Variants in CALHM2 observed in about 807,000 individuals in gnomAD.
CALHM2 encodes calcium homeostasis modulator protein 2.
A neutral mutation model predicts 20.4 loss-of-function variants in CALHM2; 18 were observed. The ratio of observed to expected loss-of-function variants is 0.88; its 90% CI spans 0.61 to 1.31. CALHM2 has a LOEUF of 1.31. Among genes scored for constraint, CALHM2 ranks in the 50% most tolerant of loss-of-function variants. CALHM2 has a pLI of 0.00. For missense variants in CALHM2, 411 were observed against 435.7 expected, an observed-to-expected ratio of 0.94 and a Z score of 0.50; for synonymous variants, 193 against 192.1, an observed-to-expected ratio of 1.00 and a Z score of -0.04.
Position 103,451,642 on chromosome 10 carries a change from C to CAGG in CALHM2, c.-361-360_-361-358dup, listed in dbSNP as rs3837347. ...GGAGGAGGAGGACCAGGAGGAACAA[C>CAGG]AGGAGGAGGAGGAGGAGGAGGAGGA... On this transcript the variant is annotated intron_variant, in intron 1 of 3. Coordinates refer to ENST00000260743, the MANE Select transcript of CALHM2 (RefSeq NM_015916.5). 8.2e-3 allele frequency: 1,120 copies of CAGG among 136,020 alleles called. 19 individuals carry two copies. The highest frequency in any genetic ancestry group is 0.013 in the Admixed American group (181 of 13,900). 8.4% of individuals were successfully genotyped at this position (136,020 alleles called of 1,614,324 possible). A position where few individuals can be genotyped will look rare whatever the true frequency, so the allele number is the denominator to read the frequency against.
At chr10:103,448,418 A>C (rs565923785) in intron 3 of CALHM2, among the ~76,000 whole-genome samples, 3 of 151,838 alleles carry the variant, frequency 2.0e-5, no homozygotes, top group African/African-American at 7.2e-5. Context: ...AAGTGCTGAG[A>C]TTACAGGTGT....
chr10:103,447,206 C>T lies in CALHM2; in HGVS notation c.918G>A (p.Leu306=). The change falls in exon 4 of 4, where the codon CTG becomes CTA. Residue 306 remains leucine (L), a synonymous_variant. Coordinates refer to ENST00000260743, the MANE Select transcript of CALHM2 (RefSeq NM_015916.5). ...YSRLHKWAQG[L]AGNGAAPDNV... ...TGTCAGGGGCCGCGCCGTTGCCTGC[C>T]AGACCCTGGGCCCACTTGTGCAGGC... 1 of 1,614,116 alleles carries T rather than the reference C, an allele frequency of 6.2e-7. No individual in the cohort carries two copies. Among genetic ancestry groups the T allele is most frequent in the South Asian group, 1.1e-5 (1 of 91,084 alleles).
Position 103,449,571 on chromosome 10 carries a change from C to G in CALHM2, c.371G>C (p.Arg124Pro). Residue 124 changes from arginine (R) to proline (P), a missense_variant, in exon 3 of 4, where the codon CGT becomes CCT. Physicochemically the swap from Arg to Pro is moderately radical, Grantham distance 103. Transcript: ENST00000260743. ...PVTWSVISLL[R>P]GEAYVCALSE... is the part of the protein sequence containing the mutation. ...GAGAGCACAGACATAAGCCTCACCACGCAGCAGGGAGATGACAGACCAGGT... is the reference window on the plus strand; with the variant it reads ...GAGAGCACAGACATAAGCCTCACCAGGCAGCAGGGAGATGACAGACCAGGT... 2 of 1,613,864 alleles carry G rather than the reference C, an allele frequency of 1.2e-6. No homozygotes were observed. Among genetic ancestry groups the G allele is most frequent in the Non-Finnish European group, 8.5e-7 (1 of 1,180,040 alleles).
rs780192601 is a variant in CALHM2, at chr10:103,447,445, C to G, written c.679G>C (p.Glu227Gln). ...GCCGTGCGCTGGAACAGCTGGTCCT[C>G]ATTGGCGCGGTACTGCGCCCAGTAG... ...EAYWAQYRAN[E>Q]DQLFQRTAEV... is the part of the protein sequence containing the mutation. The change falls in exon 4 of 4, where the codon GAG becomes CAG. Residue 227 changes from glutamate (E) to glutamine (Q), a missense_variant. Transcript: ENST00000260743. The G allele has an allele frequency of 9.3e-6, 15 of 1,614,098 alleles. No individual in the cohort carries two copies. Among genetic ancestry groups the G allele is most frequent in the Non-Finnish European group, 1.3e-5 (15 of 1,180,038 alleles).
intron 3 of CALHM2, among the ~76,000 whole-genome samples, chr10:103,448,671 A>C (rs2032792607): frequency 6.6e-6 from 1 of 151,740 alleles, no homozygotes; most frequent in African/African-American, 2.4e-5. Context: ...CGGTAAGCCA[A>C]GATCGTGCCA....
At chr10:103,448,708 G>A (rs1368238434) in intron 3 of CALHM2, among the ~76,000 whole-genome samples, 1 of 150,648 alleles carries the variant, frequency 6.6e-6, no homozygotes, top group Non-Finnish European at 1.5e-5. Flanking sequence ...CAAGAAGAGT[G>A]AGACTCTGTC....
rs1362912067 is a variant in CALHM2, at chr10:103,447,467, G to T, written c.657C>A (p.Tyr219Ter). 1 of 1,613,930 alleles carries T rather than the reference G, an allele frequency of 6.2e-7. No homozygotes were observed. The highest frequency in any genetic ancestry group is 2.2e-5 in the East Asian group (1 of 44,892). ...CSPLSYRQEA[Y>*]WAQYRANEDQ... ...CCTCATTGGCGCGGTACTGCGCCCA[G>T]TAGGCCTCCTGGCGGTAGCTGAGTG... Residue 219 changes from tyrosine (Y) to a stop codon, truncating the protein, a stop_gained, in exon 4 of 4, where the codon TAC becomes TAA. Transcript: ENST00000260743. LOFTEE classifies it high-confidence loss of function.
intron 3 of CALHM2, among the ~76,000 whole-genome samples, chr10:103,448,808 A>G (rs1474433369): frequency 6.6e-6 from 1 of 151,982 alleles, no homozygotes; most frequent in East Asian, 1.9e-4. Context: ...CTTGCAGCTG[A>G]GATTTTCTGC....
At position 103,451,642 on chromosome 10, in the gene CALHM2, C is replaced by CAGGAGG. The variant is rs3837347; in HGVS notation, c.-361-363_-361-358dup. ...GGAGGAGGAGGACCAGGAGGAACAA[C>CAGGAGG]AGGAGGAGGAGGAGGAGGAGGAGGA... On this transcript the variant is annotated intron_variant, in intron 1 of 3. Transcript: ENST00000260743. The CAGGAGG allele has an allele frequency of 3.3e-3, 443 of 135,970 alleles. 8 individuals carry two copies. The highest frequency in any genetic ancestry group is 0.022 in the Middle Eastern group (6 of 276). 8.4% of individuals were successfully genotyped at this position (135,970 alleles called of 1,614,324 possible). A position where few individuals can be genotyped will look rare whatever the true frequency, so the allele number is the denominator to read the frequency against.
intron 1 of CALHM2, chr10:103,451,941 G>A (rs911503926): frequency 2.0e-5 from 3 of 152,522 alleles, no homozygotes; most frequent in Admixed American, 1.3e-4. Context: ...ACTGCCCCCA[G>A]GCCAAGGATG....
In CALHM2 at chr10:103,449,636, A is replaced by G. The variant is rs372446026; in HGVS notation, c.306T>C (p.Leu102=). ...KNCSAAPTFL[L]LSSILGRAAV... The stretch of plus-strand genomic sequence containing the variant: ...CCGCACGTCCCAGGATGGAGCTTAG[A>G]AGGAGGAAGGTGGGGGCGGCGGAGC... Residue 102 remains leucine, a synonymous_variant, in exon 3 of 4, where the codon CTT becomes CTC. Coordinates refer to ENST00000260743, the MANE Select transcript of CALHM2 (RefSeq NM_015916.5). 5 of 1,613,742 alleles carry G rather than the reference A, an allele frequency of 3.1e-6. No individual in the cohort carries two copies. In the African/African-American group the frequency reaches 4.0e-5, roughly 13 times the overall value.
At position 103,449,603 on chromosome 10, in the gene CALHM2, G is replaced by A; in HGVS notation, c.339C>T (p.Ala113=). 4 of 1,613,894 alleles carry A rather than the reference G, an allele frequency of 2.5e-6. No homozygotes were observed. In the African/African-American group the frequency reaches 5.3e-5, roughly 22 times the overall value. ...LSSILGRAAV[A]PVTWSVISLL... ...GGGAGATGACAGACCAGGTGACAGG[G>A]GCCACAGCCGCACGTCCCAGGATGG... Residue 113 remains alanine, a synonymous_variant, in exon 3 of 4, where the codon GCC becomes GCT. Transcript: ENST00000260743.
At chr10:103,450,344 C>CCT (rs2032920099) in intron 2 of CALHM2, 1 of 208,720 alleles carries the variant, frequency 4.8e-6, no homozygotes, top group African/African-American at 2.3e-5. Flanking sequence ...GAGTGGCTCG[C>CCT]CAGGGTCACA....
At position 103,449,738 on chromosome 10, in the gene CALHM2, G is replaced by GAGC; in HGVS notation, c.201_203dup (p.Leu68dup). On this transcript the variant is annotated inframe_insertion, in exon 3 of 4. Coordinates refer to ENST00000260743, the MANE Select transcript of CALHM2 (RefSeq NM_015916.5). ...TGTTGAGGATGATGCCAATGATGAA[G>GAGC]AGCACCAGGGCGGGCACGCCGATGG... The GAGC allele has an allele frequency of 1.2e-6, 2 of 1,613,562 alleles. No individual in the cohort carries two copies. Among genetic ancestry groups the GAGC allele is most frequent in the South Asian group, 2.2e-5 (2 of 91,076 alleles).
chr10:103,447,610 G>T lies in CALHM2; in HGVS notation c.556-42C>A, dbSNP rs181670611. 1.8e-3 allele frequency: 2,686 copies of T among 1,497,626 alleles called. 5 individuals carry two copies. The highest frequency in any genetic ancestry group is 1.9e-3 in the Non-Finnish European group (2,109 of 1,117,932). The allele number at this position is 1,497,626 out of a possible 1,614,324, so 92.8% of individuals were successfully genotyped here. On this transcript the variant is annotated intron_variant, in intron 3 of 3. Transcript: ENST00000260743. ...CACAGTTCAGGAGGGGCGAGGAACT[G>T]CCTAAGCCCTACCCCCCAGAGCGAA...
Position 103,449,375 on chromosome 10 carries a change from A to G in CALHM2, c.555+12T>C. ...CTAGGGAAGAGGAGCTTCCCTTTGC[A>G]CAGCTCCTTACCTGGGACTCATACC... On this transcript the variant is annotated intron_variant, in intron 3 of 3. Coordinates refer to ENST00000260743, the MANE Select transcript of CALHM2 (RefSeq NM_015916.5). 5 of 1,609,356 alleles carry G rather than the reference A, an allele frequency of 3.1e-6. No homozygotes were observed. Among genetic ancestry groups the G allele is most frequent in the Non-Finnish European group, 4.2e-6 (5 of 1,177,960 alleles).
Position 103,450,045 on chromosome 10 carries a change from A to G in CALHM2, c.-104T>C, listed in dbSNP as rs1050713258. 2 of 1,051,540 alleles carry G rather than the reference A, an allele frequency of 1.9e-6. No individual in the cohort carries two copies. Among genetic ancestry groups the G allele is most frequent in the Non-Finnish European group, 2.8e-6 (2 of 713,648 alleles). The allele number at this position is 1,051,540 out of a possible 1,614,324, so 65.1% of individuals were successfully genotyped here. The stretch of plus-strand genomic sequence containing the variant: ...AGGGGCACAGGCTGGGAGGCGCTGG[A>G]CGGCAGGGTGTGGTTGTGCTATTTT... On this transcript the variant is annotated 5_prime_UTR_variant, in exon 3 of 4. Transcript: ENST00000260743.
chr10:103,449,937 G>A lies in CALHM2; in HGVS notation c.5C>T (p.Ala2Val). 4 of 1,608,898 alleles carry A rather than the reference G, an allele frequency of 2.5e-6. No homozygotes were observed. The highest frequency in any genetic ancestry group is 3.4e-6 in the Non-Finnish European group (4 of 1,176,738). The change falls in exon 3 of 4, where the codon GCA (alanine) becomes GTA (valine). Residue 2 changes from alanine (A) to valine (V), a missense_variant. Coordinates refer to ENST00000260743, the MANE Select transcript of CALHM2 (RefSeq NM_015916.5). M[A>V]ALIAENFRFL... is the part of the protein sequence containing the mutation. ...GCGGAAGTTCTCTGCGATCAGGGCTGCCATGGCGATAGTCGTGGCGGGGTG... is the reference window on the plus strand; with the variant it reads ...GCGGAAGTTCTCTGCGATCAGGGCTACCATGGCGATAGTCGTGGCGGGGTG...
chr10:103,447,319 C>A lies in CALHM2; in HGVS notation c.805G>T (p.Val269Leu), dbSNP rs2032686434. The change falls in exon 4 of 4, where the codon GTG (valine) becomes TTG (leucine). Residue 269 changes from valine to leucine, a missense_variant. Transcript: ENST00000260743. Reference protein sequence around the residue: ...DDEELIANFPVEGTQPRPQWN... With the variant: ...DDEELIANFPLEGTQPRPQWN... Reference sequence around the variant, plus strand: ...TGTGGCCGTGGCTGCGTGCCTTCCACTGGGAAGTTGGCAATCAGTTCCTCA... The same window carrying A: ...TGTGGCCGTGGCTGCGTGCCTTCCAATGGGAAGTTGGCAATCAGTTCCTCA... 3.1e-6 allele frequency: 5 copies of A among 1,614,266 alleles called. No individual in the cohort carries two copies. The highest frequency in any genetic ancestry group is 4.2e-6 in the Non-Finnish European group (5 of 1,180,042).
Sources: allele counts gnomAD v4.1 joint callset (sites outside exome capture counted in the v4.1 genomes callset), GRCh38; gene constraint gnomAD v4.1.1; transcripts MANE v1.5; gene names NCBI Gene and HGNC (gene_info 2026-07-23, HGNC 2026-07-21).